NAA15: variants seen among roughly 807,000 people sequenced by gnomAD.
NAA15 encodes the protein N-alpha-acetyltransferase 15, NatA auxiliary subunit, also known as N-terminal acetyltransferase.
In NAA15, 34 loss-of-function variants were observed where a neutral mutation model predicts 114.0. The ratio of observed to expected loss-of-function variants is 0.30; its 90% confidence interval spans 0.23 to 0.40. NAA15 has a LOEUF of 0.40. Ranked by LOEUF, NAA15 falls within the 10% of genes least tolerant of loss-of-function variation. NAA15 has a pLI of 1.00. For missense variants in NAA15, 658 were observed against 1,004.5 expected (o/e 0.66, Z 4.66); for synonymous variants, 340 against 338.0 (o/e 1.01, Z -0.06).
At chr4:139,349,970 A>C (rs1283133257) in intron 7 of NAA15, among the ~76,000 whole-genome samples, 1 of 149,778 alleles carries the variant, frequency 6.7e-6, no homozygotes, top group East Asian at 1.9e-4. Flanking sequence ...TGGGCAACAG[A>C]GCGAGACTGT....
chr4:139,352,640 A>G (rs1198562048), intron 9 of NAA15, among the ~76,000 whole-genome samples: 1 of 148,392 alleles, frequency 6.7e-6, no homozygotes, highest in African/African-American at 2.5e-5. Flanking sequence ...TTTTTCTTGC[A>G]TAAATCACAT....
At chr4:139,315,705 T>C (rs2110850012) in intron 1 of NAA15, among the ~76,000 whole-genome samples, 1 of 152,042 alleles carries the variant, frequency 6.6e-6, no homozygotes, top group South Asian at 2.1e-4. Context: ...CCTTAGCTTT[T>C]TCACTGAATT....
At chr4:139,352,613 AT>A (rs537935040) in intron 9 of NAA15, among the ~76,000 whole-genome samples, 12 of 142,026 alleles carry the variant, frequency 8.4e-5, no homozygotes, top group Admixed American at 1.4e-4. Flanking sequence ...GGCTTTTTTG[AT>A]TGCTGTTTCA....
chr4:139,315,425 G>A (rs1483570814), intron 1 of NAA15, among the ~76,000 whole-genome samples: 4 of 151,818 alleles, frequency 2.6e-5, no homozygotes, highest in Non-Finnish European at 4.4e-5. Context: ...AGGCTGAGGT[G>A]GGGGATTGCT....
At chr4:139,331,916 A>G (rs1747020896) in intron 1 of NAA15, among the ~76,000 whole-genome samples, 2 of 152,002 alleles carry the variant, frequency 1.3e-5, no homozygotes, top group Non-Finnish European at 2.9e-5. Flanking sequence ...TAGGCAGTTG[A>G]CTGGTTTTCT....
chr4:139,387,526 G>A (rs1205592369), intron 19 of NAA15, among the ~76,000 whole-genome samples: 1 of 152,314 alleles, frequency 6.6e-6, no homozygotes, highest in Non-Finnish European at 1.5e-5. Flanking sequence ...AAATCTAGAT[G>A]TTTATACCCA....
intron 1 of NAA15, among the ~76,000 whole-genome samples, chr4:139,303,004 A>G (rs1287244782): frequency 1.3e-5 from 2 of 152,200 alleles, no homozygotes; most frequent in Admixed American, 6.5e-5. Context: ...CGCAGTTATA[A>G]TTTATTTCAC....
Position 139,370,520 on chromosome 4 carries a change from A to G in NAA15, c.1947+116A>G, listed in dbSNP as rs996441541. On this transcript the variant is annotated intron_variant, in intron 15 of 19. Transcript: ENST00000296543. ...TTATGTGATATAGGTTTTAGAGCCA[A>G]AAATTATTTTATTTTTTAGTATTCT... The G allele has an allele frequency of 8.7e-6, 8 of 916,462 alleles. No individual in the cohort carries two copies. The African/African-American group carries it at 1.4e-4, about 16-fold the overall frequency. The allele number at this position is 916,462 out of a possible 1,614,324, so 56.8% of individuals were successfully genotyped here.
At chr4:139,310,993 C>T (rs770063807) in intron 1 of NAA15, among the ~76,000 whole-genome samples, 18 of 150,838 alleles carry the variant, frequency 1.2e-4, no homozygotes, top group South Asian at 2.1e-4. Flanking sequence ...AGTGTGATCT[C>T]GGCTCACTGC....
chr4:139,303,797 CTAAA>C (rs765205341), intron 1 of NAA15, among the ~76,000 whole-genome samples: 1 of 152,214 alleles, frequency 6.6e-6, no homozygotes, highest in Non-Finnish European at 1.5e-5. Context: ...AACTTCATCT[CTAAA>C]TACTTAAGCA....
intron 7 of NAA15, 108 bp downstream of exon 7, chr4:139,349,689 GA>G (rs1404802852): frequency 3.3e-6 from 4 of 1,199,508 alleles, no homozygotes; most frequent in Non-Finnish European, 4.6e-6. Context: ...GAATTGGTTC[GA>G]AATCTGAATA....
chr4:139,358,253 C>T lies in NAA15; in HGVS notation c.1257+698C>T, dbSNP rs141366691. ...CATCACCCAGGCTGGGGTGCAGTGGCGCGATCTCAGCTCCCTGCAATGTCT... is the reference window on the plus strand; with the variant it reads ...CATCACCCAGGCTGGGGTGCAGTGGTGCGATCTCAGCTCCCTGCAATGTCT... On this transcript the variant is annotated intron_variant, in intron 11 of 19. Transcript: ENST00000296543. Among the ~76,000 whole-genome samples, 467 of 149,998 alleles carry T rather than the reference C, an allele frequency of 3.1e-3. 3 individuals carry two copies. Among genetic ancestry groups the T allele is most frequent in the African/African-American group, 0.01 (410 of 40,716 alleles).
At chr4:139,371,496 A>AACACAC (rs1560978427) in intron 15 of NAA15, among the ~76,000 whole-genome samples, 3 of 41,776 alleles carry the variant, frequency 7.2e-5, no homozygotes, top group East Asian at 1.8e-3. Context: ...AAAGAAAAGT[A>AACACAC]GCACACACAC....
chr4:139,351,380 G>C, intron 8 of NAA15, 94 bp downstream of exon 8: 1 of 1,058,970 alleles, frequency 9.4e-7, no homozygotes, highest in South Asian at 1.4e-5. Context: ...TTAAGTTTAA[G>C]CTATACATTG....
chr4:139,336,626 T>C (rs966438626), intron 2 of NAA15, among the ~76,000 whole-genome samples: 1 of 152,128 alleles, frequency 6.6e-6, no homozygotes, highest in African/African-American at 2.4e-5. Context: ...AAGGAGAGTC[T>C]CTTTCCAATA....
chr4:139,347,598 C>T (rs1747626494), intron 6 of NAA15, among the ~76,000 whole-genome samples: 2 of 152,188 alleles, frequency 1.3e-5, no homozygotes, highest in Non-Finnish European at 2.9e-5. Flanking sequence ...GCCAGGATTG[C>T]ACCACTGCAT....
intron 1 of NAA15, among the ~76,000 whole-genome samples, chr4:139,310,839 G>C (rs1746199746): frequency 1.3e-5 from 2 of 151,640 alleles, no homozygotes; most frequent in Admixed American, 1.3e-4. Context: ...GGCTGGTCTT[G>C]AACTCCAGGC....
chr4:139,359,451 T>C (rs182862606), intron 11 of NAA15, among the ~76,000 whole-genome samples: 213 of 152,280 alleles, frequency 1.4e-3, no homozygotes, highest in Admixed American at 3.4e-3. Context: ...ACAATTATTT[T>C]TGAGTATTTT....
At chr4:139,355,160 T>G (rs1747907076) in intron 10 of NAA15, among the ~76,000 whole-genome samples, 2 of 152,116 alleles carry the variant, frequency 1.3e-5, no homozygotes, top group African/African-American at 4.8e-5. Context: ...ATTATAGGCA[T>G]GAGCCACCAC....
Sources: gnomAD v4.1 joint callset for allele counts (sites outside exome capture counted in the v4.1 genomes callset) on GRCh38, gnomAD v4.1.1 for gene constraint, MANE v1.5 for transcripts, NCBI Gene and HGNC (gene_info 2026-07-23, HGNC 2026-07-21) for gene names.